Variants in SORCS1 observed in about 807,000 individuals in gnomAD.
SORCS1 encodes the protein sortilin related VPS10 domain containing receptor 1, also known as VPS10 domain-containing receptor SorCS1.
SORCS1 carries 60 observed loss-of-function variants against 146.1 expected under a neutral mutation model. The observed-to-expected ratio is 0.41, with a 90% CI of 0.33 to 0.51. The LOEUF (loss-of-function observed/expected upper bound fraction) is 0.51, where lower values mean the gene tolerates loss of function less well. Among genes scored for constraint, SORCS1 ranks in the 20% least tolerant of loss-of-function variants. The pLI is 0.21. For synonymous variants in SORCS1, 637 were observed against 584.0 expected (o/e 1.09, Z -1.31); for missense variants, 1,352 against 1,487.6 (o/e 0.91, Z 1.50).
intron 2 of SORCS1, among the ~76,000 whole-genome samples, chr10:106,835,872 G>A (rs1329275091): frequency 6.6e-6 from 1 of 152,118 alleles, no homozygotes; most frequent in Non-Finnish European, 1.5e-5. Context: ...GGATGTGGTG[G>A]CTCATGCCTG....
intron 2 of SORCS1, among the ~76,000 whole-genome samples, chr10:106,919,615 G>C (rs371319433): frequency 2.6e-5 from 4 of 152,172 alleles, no homozygotes; most frequent in African/African-American, 9.7e-5. Flanking sequence ...AATTCCCTGC[G>C]CTATTTGGTT....
chr10:106,638,809 T>C (rs755570228), intron 18 of SORCS1, among the ~76,000 whole-genome samples: 26 of 152,328 alleles, frequency 1.7e-4, no homozygotes, highest in Admixed American at 3.3e-4. Context: ...AACCTGGGAA[T>C]TAGAAGACCT....
Position 106,575,966 on chromosome 10 carries a change from A to T in SORCS1, c.*1454T>A, listed in dbSNP as rs1844557292. The T allele has an allele frequency of 2.0e-5, 3 of 152,656 alleles. No homozygotes were observed. The highest frequency in any genetic ancestry group is 2.9e-5 in the Non-Finnish European group (2 of 68,050). The allele number at this position is 152,656 out of a possible 1,614,324, so 9.5% of individuals were successfully genotyped here. A position where few individuals can be genotyped will look rare whatever the true frequency, so the allele number is the denominator to read the frequency against. Reference sequence around the variant, plus strand: ...TCACACATTCAAAACATTTCTCACAAGAATCTTCTGGAATCAGATCGCACG... The same window carrying T: ...TCACACATTCAAAACATTTCTCACATGAATCTTCTGGAATCAGATCGCACG... On this transcript the variant is annotated 3_prime_UTR_variant, in exon 26 of 26. Transcript: ENST00000263054.
intron 24 of SORCS1, among the ~76,000 whole-genome samples, chr10:106,588,749 T>C (rs1845401415): frequency 6.7e-6 from 1 of 149,352 alleles, no homozygotes; most frequent in South Asian, 2.1e-4. Context: ...CGGTTCCAGC[T>C]ACTCCGGAGG....
At chr10:106,721,950 A>G (rs538640071) in intron 6 of SORCS1, among the ~76,000 whole-genome samples, 2 of 152,310 alleles carry the variant, frequency 1.3e-5, no homozygotes, top group East Asian at 3.9e-4. Context: ...TGCTAAATTT[A>G]TATGTGCTGA....
At chr10:106,769,833 G>A (rs1589839369) in intron 4 of SORCS1, among the ~76,000 whole-genome samples, 1 of 152,158 alleles carries the variant, frequency 6.6e-6, no homozygotes, top group African/African-American at 2.4e-5. Flanking sequence ...CAGGGCTCAC[G>A]CCTGTAATCC....
chr10:106,647,942 A>G (rs1440185304), intron 18 of SORCS1, among the ~76,000 whole-genome samples: 1 of 152,146 alleles, frequency 6.6e-6, no homozygotes, highest in Non-Finnish European at 1.5e-5. Flanking sequence ...ATTATGGTTG[A>G]CTGTAGCTTT....
At chr10:106,850,299 T>C (rs1255887828) in intron 2 of SORCS1, among the ~76,000 whole-genome samples, 2 of 152,070 alleles carry the variant, frequency 1.3e-5, no homozygotes, top group African/African-American at 4.8e-5. Context: ...TGCGCCGTGT[T>C]TTAAGCCGGT....
intron 17 of SORCS1, among the ~76,000 whole-genome samples, chr10:106,657,760 T>C (rs2135331876): frequency 6.6e-6 from 1 of 151,782 alleles, no homozygotes; most frequent in East Asian, 1.9e-4. Flanking sequence ...AACCAAATTG[T>C]CGGAGTTTAA....
At chr10:106,888,822 C>T (rs544780592) in intron 2 of SORCS1, among the ~76,000 whole-genome samples, 6 of 152,210 alleles carry the variant, frequency 3.9e-5, no homozygotes, top group Admixed American at 2.6e-4. Context: ...CTAGACCTTG[C>T]TCCAAACATT....
intron 5 of SORCS1, among the ~76,000 whole-genome samples, chr10:106,755,634 T>C (rs1858579451): frequency 1.3e-5 from 2 of 152,118 alleles, no homozygotes; most frequent in African/African-American, 2.4e-5. Context: ...AGGAATTACA[T>C]TTCCTCCAAC....
chr10:107,002,184 C>T (rs1336240566), intron 1 of SORCS1, among the ~76,000 whole-genome samples: 2 of 152,180 alleles, frequency 1.3e-5, no homozygotes, highest in Non-Finnish European at 2.9e-5. Flanking sequence ...AGGTGTTAAG[C>T]TATTACTTTG....
At chr10:106,871,531 T>G (rs180709558) in intron 2 of SORCS1, among the ~76,000 whole-genome samples, 109 of 152,282 alleles carry the variant, frequency 7.2e-4, no homozygotes, top group Non-Finnish European at 7.6e-4. Context: ...GAAAATGTGG[T>G]ACACATACAC....
intron 1 of SORCS1, among the ~76,000 whole-genome samples, chr10:107,100,724 C>T (rs966693143): frequency 3.9e-5 from 6 of 152,064 alleles, no homozygotes; most frequent in Non-Finnish European, 5.9e-5. Flanking sequence ...ATTACTCTCT[C>T]CTGACATTAT....
chr10:106,866,060 A>G (rs1054632422), intron 2 of SORCS1, among the ~76,000 whole-genome samples: 2 of 150,880 alleles, frequency 1.3e-5, no homozygotes. Context: ...TCGCCAGACT[A>G]TGTGGATGCC....
At chr10:106,722,175 G>C (rs528659401) in intron 6 of SORCS1, among the ~76,000 whole-genome samples, 15 of 142,512 alleles carry the variant, frequency 1.1e-4, no homozygotes, top group Admixed American at 3.4e-4. Context: ...AAAAAGATAA[G>C]AGTTTATATA....
intron 3 of SORCS1, among the ~76,000 whole-genome samples, chr10:106,813,128 C>CTTTTTTTTTTTTT (rs71025557): frequency 3.0e-5 from 3 of 98,746 alleles, no homozygotes; most frequent in East Asian, 2.6e-4. Context: ...CTTCTCTTTT[C>CTTTTTTTTTTTTT]TTTTTTTTTT....
Position 106,714,135 on chromosome 10 carries a change from C to CA in SORCS1, c.1025-4795dup, listed in dbSNP as rs56275056. On this transcript the variant is annotated intron_variant, in intron 6 of 25. Transcript: ENST00000263054. The stretch of plus-strand genomic sequence containing the variant: ...TGGCAACAACAGTGAAACTCTGCCT[C>CA]AAAAAAAAAAAAAAAAAAAAAAAAA... 5.7e-3 allele frequency among the ~76,000 whole-genome samples: 304 copies of CA among 53,096 alleles called. 76 individuals are homozygous for CA. The highest frequency in any genetic ancestry group is 0.021 in the East Asian group (25 of 1,206). The allele number at this position is 53,096 out of a possible 152,430, so 34.8% of individuals were successfully genotyped here. A position where few individuals can be genotyped will look rare whatever the true frequency, so the allele number is the denominator to read the frequency against.
chr10:106,998,976 A>G lies in SORCS1; in HGVS notation c.559-42396T>C, dbSNP rs554466524. 2.0e-5 allele frequency among the ~76,000 whole-genome samples: 3 copies of G among 152,310 alleles called. 1 individual carries two copies. In the South Asian group the frequency reaches 6.2e-4, roughly 32 times the overall value. On this transcript the variant is annotated intron_variant, in intron 1 of 25. Transcript: ENST00000263054. ...TGACTACAGAAGTTTGGCGCTGAAT[A>G]ATTCTTGGAATCTGAGGTTGGTCAG...
Sources: allele counts gnomAD v4.1 joint callset (sites outside exome capture counted in the v4.1 genomes callset), GRCh38; gene constraint gnomAD v4.1.1; transcripts MANE v1.5; gene names NCBI Gene and HGNC (gene_info 2026-07-23, HGNC 2026-07-21).